The following MTUS1 variants were observed in gnomAD, a reference collection of about 807,000 sequenced individuals.
MTUS1 encodes the protein microtubule associated scaffold protein 1, also known as microtubule-associated tumor suppressor 1.
MTUS1 carries 109 observed loss-of-function variants against 120.8 expected under a neutral mutation model. That is an observed-to-expected ratio of 0.90 (90% CI 0.77 to 1.06). The LOEUF is 1.06. MTUS1 is among the 50% of genes least tolerant of loss of function. The probability of loss-of-function intolerance (pLI) is 0.00; values close to 1 mark genes in which losing one functional copy is unlikely to be tolerated. For missense variants in MTUS1, 2,210 were observed against 1,486.3 expected (o/e 1.49, Z -8.01); for synonymous variants, 737 against 550.5 (o/e 1.34, Z -4.74).
chr8:17,770,510 T>A (rs375051576), intron 1 of MTUS1: 38 of 152,308 alleles, frequency 2.5e-4, no homozygotes, highest in Middle Eastern at 3.4e-3. Context: ...CCAAACAAAA[T>A]TTTTTAATGC....
At chr8:17,690,915 C>T (rs533748131) in intron 6 of MTUS1, among the ~76,000 whole-genome samples, 4 of 152,176 alleles carry the variant, frequency 2.6e-5, no homozygotes, top group African/African-American at 9.6e-5. Context: ...TGTTGTGTTT[C>T]TAAGAAAATA....
chr8:17,646,733 C>T (rs1805873496), intron 14 of MTUS1, among the ~76,000 whole-genome samples: 1 of 152,190 alleles, frequency 6.6e-6, no homozygotes. Flanking sequence ...TGTCTGAAAG[C>T]ATTCTCAGAG....
intron 6 of MTUS1, among the ~76,000 whole-genome samples, chr8:17,703,653 A>C (rs1366729772): frequency 1.3e-5 from 2 of 148,788 alleles, no homozygotes; most frequent in Non-Finnish European, 3.0e-5. Flanking sequence ...AAGGACTGAG[A>C]GAGATACGCC....
At chr8:17,661,491 A>T (rs1303406608) in intron 8 of MTUS1, among the ~76,000 whole-genome samples, 1 of 152,230 alleles carries the variant, frequency 6.6e-6, no homozygotes, top group African/African-American at 2.4e-5. Context: ...CGTTAATAGC[A>T]GACTACCCTG....
At chr8:17,702,996 G>A (rs1035510837) in intron 6 of MTUS1, among the ~76,000 whole-genome samples, 1 of 152,142 alleles carries the variant, frequency 6.6e-6, no homozygotes, top group African/African-American at 2.4e-5. Context: ...AGCTGAGGAT[G>A]TACGTCACCT....
At chr8:17,665,533 G>GTTA (rs932105932) in intron 8 of MTUS1, among the ~76,000 whole-genome samples, 1 of 151,918 alleles carries the variant, frequency 6.6e-6, no homozygotes, top group Non-Finnish European at 1.5e-5. Flanking sequence ...TGTTGTTGTT[G>GTTA]TGTTTTGAGT....
intron 1 of MTUS1, among the ~76,000 whole-genome samples, chr8:17,771,971 A>G (rs902631901): frequency 6.6e-6 from 1 of 152,226 alleles, no homozygotes; most frequent in Non-Finnish European, 1.5e-5. Context: ...GTCCATTTAC[A>G]TTAAAGATGA....
intron 7 of MTUS1, among the ~76,000 whole-genome samples, chr8:17,677,489 T>C (rs1813365560): frequency 6.6e-6 from 1 of 152,124 alleles, no homozygotes; most frequent in South Asian, 2.1e-4. Flanking sequence ...AATGGGAGGA[T>C]GAAAGAAATT....
intron 1 of MTUS1, among the ~76,000 whole-genome samples, chr8:17,768,786 A>C (rs953368256): frequency 6.6e-6 from 1 of 152,194 alleles, no homozygotes; most frequent in Non-Finnish European, 1.5e-5. Context: ...CCTGGTGGGC[A>C]GACAGCATTC....
chr8:17,717,478 A>G (rs933976920), intron 4 of MTUS1, among the ~76,000 whole-genome samples: 2 of 152,256 alleles, frequency 1.3e-5, no homozygotes, highest in Non-Finnish European at 2.9e-5. Context: ...CCATGGAATT[A>G]TAACAATCTG....
Position 17,723,745 on chromosome 8 carries a change from A to G in MTUS1, c.2376T>C (p.Pro792=). 1 of 1,610,834 alleles carries G rather than the reference A, an allele frequency of 6.2e-7. No individual in the cohort carries two copies. The highest frequency in any genetic ancestry group is 2.2e-5 in the East Asian group (1 of 44,884). The change falls in exon 4 of 15, where the codon CCT becomes CCC. Residue 792 remains proline (P), a synonymous_variant. Coordinates refer to ENST00000693296, the MANE Select transcript of MTUS1 (RefSeq NM_001363059.2). The stretch of plus-strand genomic sequence containing the variant: ...GGGTGCTTCCTGTCCTCCGCAGCGC[A>G]GGACTTTTCAAAGATGCTTTGGATT... ...LPKSKASLKS[P]ALRRTGSTPS...
intron 3 of MTUS1, among the ~76,000 whole-genome samples, chr8:17,732,478 C>G (rs966706390): frequency 1.3e-5 from 2 of 152,200 alleles, no homozygotes; most frequent in African/African-American, 4.8e-5. Flanking sequence ...CACCCCAGAG[C>G]TATCCTTGAC....
intron 8 of MTUS1, among the ~76,000 whole-genome samples, chr8:17,668,473 C>G (rs1199340381): frequency 1.3e-5 from 2 of 152,170 alleles, no homozygotes; most frequent in African/African-American, 4.8e-5. Flanking sequence ...GGCAAAATGT[C>G]TGCTGCAGAT....
intron 8 of MTUS1, among the ~76,000 whole-genome samples, chr8:17,660,502 C>A (rs1193180037): frequency 6.6e-6 from 1 of 152,132 alleles, no homozygotes; most frequent in African/African-American, 2.4e-5. Context: ...CACCGGGGGA[C>A]AAATACATGC....
At position 17,754,501 on chromosome 8, in the gene MTUS1, G is replaced by C. The variant is rs1586183118; in HGVS notation, c.1307C>G (p.Thr436Arg). ...MCMSTPVLEP[T>R]KVTFSVSPIE... is the part of the protein sequence containing the mutation. Reference sequence around the variant, plus strand: ...CGGTGAAACAGAAAAGGTTACTTTTGTGGGTTCTAGGACTGGTGTTGACAT... The same window carrying C: ...CGGTGAAACAGAAAAGGTTACTTTTCTGGGTTCTAGGACTGGTGTTGACAT... Residue 436 changes from threonine (T) to arginine (R), a missense_variant, in exon 2 of 15, where the codon ACA (threonine) becomes AGA (arginine). Coordinates refer to ENST00000693296, the MANE Select transcript of MTUS1 (RefSeq NM_001363059.2). 12 of 1,614,176 alleles carry C rather than the reference G, an allele frequency of 7.4e-6. No individual in the cohort carries two copies. The highest frequency in any genetic ancestry group is 1.0e-5 in the Non-Finnish European group (12 of 1,180,022).
chr8:17,772,456 T>C (rs766538889), intron 1 of MTUS1, among the ~76,000 whole-genome samples: 4 of 152,212 alleles, frequency 2.6e-5, no homozygotes, highest in Non-Finnish European at 4.4e-5. Context: ...ATTATGACTG[T>C]CATATTATAT....
chr8:17,759,506 C>A (rs1157478467), intron 1 of MTUS1, among the ~76,000 whole-genome samples: 1 of 150,540 alleles, frequency 6.6e-6, no homozygotes, highest in Non-Finnish European at 1.5e-5. Context: ...GAAATCTTCA[C>A]AATCTTTGAC....
At chr8:17,744,966 C>CT (rs1439654595) in intron 2 of MTUS1, among the ~76,000 whole-genome samples, 1 of 152,190 alleles carries the variant, frequency 6.6e-6, no homozygotes, top group Non-Finnish European at 1.5e-5. Flanking sequence ...CTGATGTCCT[C>CT]TGTCTCCCTA....
chr8:17,710,101 G>A (rs1820990857), intron 6 of MTUS1, among the ~76,000 whole-genome samples: 1 of 152,168 alleles, frequency 6.6e-6, no homozygotes, highest in Non-Finnish European at 1.5e-5. Context: ...TTTTGCTGGT[G>A]GAACATCTTG....
Sources: allele counts gnomAD v4.1 joint callset (sites outside exome capture counted in the v4.1 genomes callset), GRCh38; gene constraint gnomAD v4.1.1; transcripts MANE v1.5; gene names NCBI Gene and HGNC (gene_info 2026-07-23, HGNC 2026-07-21).